Variants in TIAM1 observed in about 807,000 individuals in gnomAD.
TIAM1 encodes the protein rho guanine nucleotide exchange factor TIAM1.
Under a neutral mutation model 163.5 loss-of-function variants are expected in TIAM1, and 65 were observed. The ratio of observed to expected loss-of-function variants is 0.40; its 90% CI spans 0.33 to 0.49. The LOEUF is 0.49. Ranked by LOEUF, TIAM1 falls within the 20% of genes least tolerant of loss-of-function variation. TIAM1 has a pLI of 0.77. For synonymous variants in TIAM1, 833 were observed against 810.1 expected (o/e 1.03, Z -0.48); for missense variants, 1,789 against 2,044.7 (o/e 0.87, Z 2.41).
chr21:31,221,544 A>G (rs1319109490), intron 8 of TIAM1, among the ~76,000 whole-genome samples: 2 of 152,248 alleles, frequency 1.3e-5, no homozygotes, highest in Non-Finnish European at 2.9e-5. Context: ...AAGATGAATT[A>G]TGGAAGAGTA....
rs745409116 is a variant in TIAM1 at position 31,124,659 on chromosome 21, A to G, written c.4169T>C (p.Val1390Ala). The change falls in exon 27 of 28, where the codon GTG (valine) becomes GCG (alanine). Residue 1390 changes from valine to alanine, a missense_variant. Physicochemically the swap from Val to Ala is moderately conservative, Grantham distance 64 (BLOSUM62 0). Transcript: ENST00000541036. ...PESRKDFLKA[V>A]HSILRDKHRR... ...GTGCTTATCACGCAGGATTGAATGC[A>G]CAGCCTTTAGGAAATCCTTTCGGCT... 6.2e-7 allele frequency: 1 copy of G among 1,608,924 alleles called. No individual in the cohort carries two copies. Among genetic ancestry groups the G allele is most frequent in the South Asian group, 1.1e-5 (1 of 90,216 alleles).
In TIAM1 at chr21:31,203,022, A is replaced by AAAAG. The variant is rs775925016; in HGVS notation, c.2389-14_2389-11dup. 8 of 1,602,076 alleles carry AAAAG rather than the reference A, an allele frequency of 5.0e-6. No individual in the cohort carries two copies. Among genetic ancestry groups the AAAAG allele is most frequent in the East Asian group, 2.2e-5 (1 of 44,818 alleles). ...GATCCAGTTGATGTGTCTGGGACAA[A>AAAAG]AAAGAAAGAAAGAAAGAAAATGTCT... On this transcript the variant is annotated splice_polypyrimidine_tract_variant and intron_variant, in intron 11 of 27. Transcript: ENST00000541036.
At position 31,381,299 on chromosome 21, in the gene TIAM1, T is replaced by C. The variant is rs1024698483; in HGVS notation, c.-368-41877A>G. 2.6e-5 allele frequency among the ~76,000 whole-genome samples: 4 copies of C among 152,070 alleles called. No homozygotes were observed. In the East Asian group the frequency reaches 7.7e-4, roughly 29 times the overall value. On this transcript the variant is annotated intron_variant, in intron 2 of 28. Coordinates refer to the TIAM1 transcript ENST00000286827. ...ATGAGTGGAGCCCTCATGAATGGTA[T>C]TAGTGCTCTTATAAGAAGAGACACT...
intron 1 of TIAM1, among the ~76,000 whole-genome samples, chr21:31,554,481 A>G (rs2048803544): frequency 6.6e-6 from 1 of 152,174 alleles, no homozygotes; most frequent in Admixed American, 6.5e-5. Context: ...AGGTTCCAAA[A>G]GGCTAGGATG....
chr21:31,283,580 TG>T (rs2073667049), intron 2 of TIAM1, among the ~76,000 whole-genome samples: 1 of 151,908 alleles, frequency 6.6e-6, no homozygotes, highest in African/African-American at 2.4e-5. Flanking sequence ...AGTGTTGCTC[TG>T]TCGCCCAGGC....
At position 31,165,816 on chromosome 21, in the gene TIAM1, T is replaced by C. The variant is rs138287900; in HGVS notation, c.2888-751A>G. On this transcript the variant is annotated intron_variant, in intron 15 of 27. Transcript: ENST00000541036. ...AGAACAGTACAACAAAAAAAATGAC[T>C]GTCCCATATCCATTACCTGAAAAAT... 4.2e-3 allele frequency among the ~76,000 whole-genome samples: 642 copies of C among 152,340 alleles called. 5 individuals carry two copies. The highest frequency in any genetic ancestry group is 0.015 in the African/African-American group (623 of 41,578).
chr21:31,269,462 T>C (rs2072949689), intron 3 of TIAM1, among the ~76,000 whole-genome samples: 1 of 152,148 alleles, frequency 6.6e-6, no homozygotes. Context: ...TTTCTAGGGA[T>C]TGCTGAAACA....
At chr21:31,386,131 C>G (rs1408232613) in intron 2 of TIAM1, among the ~76,000 whole-genome samples, 1 of 152,078 alleles carries the variant, frequency 6.6e-6, no homozygotes, top group African/African-American at 2.4e-5. Context: ...GACAGGGCAT[C>G]CCTCTCCTGC....
chr21:31,405,643 G>C (rs1402581243), intron 2 of TIAM1, among the ~76,000 whole-genome samples: 1 of 152,134 alleles, frequency 6.6e-6, no homozygotes, highest in Non-Finnish European at 1.5e-5. Context: ...GCAAAAAAAA[G>C]AGCTTGTGCA....
chr21:31,508,911 G>A (rs2147466462), intron 1 of TIAM1, among the ~76,000 whole-genome samples: 1 of 152,230 alleles, frequency 6.6e-6, no homozygotes, highest in East Asian at 1.9e-4. Context: ...GATATGACTT[G>A]CTGCAGGACA....
intron 2 of TIAM1, among the ~76,000 whole-genome samples, chr21:31,278,934 C>T (rs2073422786): frequency 6.6e-6 from 1 of 152,130 alleles, no homozygotes; most frequent in South Asian, 2.1e-4. Context: ...GAAATGGACT[C>T]ATTACGGTGC....
chr21:31,372,979 C>T (rs930550378), intron 2 of TIAM1, among the ~76,000 whole-genome samples: 6 of 149,456 alleles, frequency 4.0e-5, no homozygotes, highest in Admixed American at 2.7e-4. Flanking sequence ...CACTTGAACC[C>T]GGGAGGCAGA....
chr21:31,174,240 G>A (rs1407966464), intron 15 of TIAM1, among the ~76,000 whole-genome samples: 1 of 152,182 alleles, frequency 6.6e-6, no homozygotes, highest in African/African-American at 2.4e-5. Flanking sequence ...CACTTCACGG[G>A]TACTGCACAG....
At chr21:31,495,725 T>G (rs2046617950) in intron 1 of TIAM1, among the ~76,000 whole-genome samples, 1 of 151,574 alleles carries the variant, frequency 6.6e-6, no homozygotes, top group African/African-American at 2.4e-5. Context: ...ATCCCGGCAC[T>G]TTGGGAGGCC....
chr21:31,291,662 G>A (rs1183526072), intron 2 of TIAM1, among the ~76,000 whole-genome samples: 1 of 152,198 alleles, frequency 6.6e-6, no homozygotes, highest in Non-Finnish European at 1.5e-5. Flanking sequence ...AGCTGGGACT[G>A]CAGGCATGCG....
At chr21:31,211,227 T>C (rs941435979) in intron 10 of TIAM1, among the ~76,000 whole-genome samples, 1 of 152,138 alleles carries the variant, frequency 6.6e-6, no homozygotes, top group African/African-American at 2.4e-5. Flanking sequence ...AAGTCCTCCT[T>C]TAGCAGCTGG....
upstream of TIAM1, among the ~76,000 whole-genome samples, chr21:31,345,125 AAAG>A (rs1430538969): frequency 6.6e-6 from 1 of 152,232 alleles, no homozygotes; most frequent in African/African-American, 2.4e-5. Flanking sequence ...AGAAATCACA[AAAG>A]AAGAAAACGG....
intron 23 of TIAM1, among the ~76,000 whole-genome samples, chr21:31,131,878 A>G (rs573398680): frequency 3.3e-5 from 5 of 152,216 alleles, no homozygotes; most frequent in African/African-American, 1.2e-4. Context: ...AGATGCCTTG[A>G]CCCTTTCGCC....
intron 2 of TIAM1, among the ~76,000 whole-genome samples, chr21:31,351,931 G>A (rs9980015): frequency 0.74 from 112,962 of 151,856 alleles, 42,140 homozygotes; most frequent in Middle Eastern, 0.79. Flanking sequence ...AGCCGGGTGT[G>A]GTGGTGTGTG....
Sources: gnomAD v4.1 joint callset for allele counts (sites outside exome capture counted in the v4.1 genomes callset) on GRCh38, gnomAD v4.1.1 for gene constraint, MANE v1.5 for transcripts, NCBI Gene and HGNC (gene_info 2026-07-23, HGNC 2026-07-21) for gene names.